KLHL13: variants seen among roughly 807,000 people sequenced by gnomAD.
KLHL13 encodes the protein kelch-like protein 13.
A neutral mutation model predicts 37.1 loss-of-function variants in KLHL13; 10 were observed. That is an observed-to-expected ratio of 0.27 (90% confidence interval 0.17 to 0.46). The LOEUF is 0.46. Ranked by LOEUF, KLHL13 falls within the 20% of genes least tolerant of loss-of-function variation. The pLI, the probability that KLHL13 is intolerant of heterozygous loss-of-function variation, is 1.00. For missense variants in KLHL13, 360 were observed against 509.3 expected (o/e 0.71, Z 2.82); for synonymous variants, 163 against 181.2 (o/e 0.90, Z 0.81).
chrX:118,110,629 G>A (rs899887345), intron 1 of KLHL13, among the ~76,000 whole-genome samples: 8 of 110,416 alleles, frequency 7.2e-5, no homozygotes, highest in Non-Finnish European at 1.1e-4. Context: ...CGCCCGCCTC[G>A]GCCTCCTTAA....
intron 1 of KLHL13, among the ~76,000 whole-genome samples, chrX:118,068,655 G>A (rs1275452632): frequency 9.0e-6 from 1 of 111,208 alleles, no homozygotes; most frequent in South Asian, 3.9e-4. Context: ...CCACAAAGCT[G>A]TGCTCCCCCC....
At chrX:118,106,261 C>T (rs1417925078) in intron 1 of KLHL13, among the ~76,000 whole-genome samples, 2 of 110,327 alleles carry the variant, frequency 1.8e-5, no homozygotes, top group Non-Finnish European at 3.8e-5. Context: ...CTCTTAGCTC[C>T]ACCTCACAGG....
intron 1 of KLHL13, among the ~76,000 whole-genome samples, chrX:118,026,834 C>T (rs1336441434): frequency 1.8e-5 from 2 of 111,711 alleles, no homozygotes; most frequent in Non-Finnish European, 3.8e-5. Context: ...TGATGGCTAC[C>T]AAAACAATTA....
At chrX:118,033,646 G>C (rs1286340823) in intron 1 of KLHL13, among the ~76,000 whole-genome samples, 3 of 109,194 alleles carry the variant, frequency 2.7e-5, no homozygotes, top group Non-Finnish European at 1.9e-5. Flanking sequence ...ATGCCAAAAT[G>C]TAAAGACCAT....
chrX:117,926,341 G>T (rs892844058), intron 2 of KLHL13, among the ~76,000 whole-genome samples: 2 of 111,038 alleles, frequency 1.8e-5, no homozygotes, highest in African/African-American at 6.6e-5. Context: ...GGACATCAAG[G>T]CAGATAGGAC....
intron 2 of KLHL13, among the ~76,000 whole-genome samples, chrX:117,924,649 G>C (rs988365124): frequency 6.3e-5 from 7 of 111,117 alleles, no homozygotes; most frequent in Non-Finnish European, 1.3e-4. Context: ...AACTGCTTCT[G>C]TTGATTTAAA....
chrX:118,035,760 A>G (rs1003059774), intron 1 of KLHL13, among the ~76,000 whole-genome samples: 3 of 108,845 alleles, frequency 2.8e-5, no homozygotes, highest in African/African-American at 1.1e-4. Flanking sequence ...AGGCAGGAGA[A>G]GGAAATAAAT....
chrX:118,108,853 C>A (rs2055374854), intron 1 of KLHL13, among the ~76,000 whole-genome samples: 1 of 111,369 alleles, frequency 9.0e-6, no homozygotes, highest in Non-Finnish European at 1.9e-5. Context: ...GTCACCCAGA[C>A]TGAAGAGCAG....
At position 117,985,974 on chromosome X, in the gene KLHL13, G is replaced by T. The variant is rs1390857833; in HGVS notation, c.-55-40399C>A. On this transcript the variant is annotated intron_variant, in intron 1 of 6. Transcript: ENST00000371882. ...GCTTTTTAAAAATAAAACTACACAT[G>T]ATGTAAAGTAAATGATCAATGAATA... Among the ~76,000 whole-genome samples, 3 of 110,812 alleles carry T rather than the reference G, an allele frequency of 2.7e-5. 1 individual carries two copies. Among genetic ancestry groups the T allele is most frequent in the African/African-American group, 9.8e-5 (3 of 30,521 alleles).
upstream of KLHL13, chrX:118,117,252 T>A (rs1402244015): frequency 8.9e-6 from 1 of 112,247 alleles, no homozygotes; most frequent in African/African-American, 3.2e-5. Context: ...GCAAAGGGTG[T>A]GCCCTGGAAG....
intron 1 of KLHL13, among the ~76,000 whole-genome samples, chrX:117,965,436 T>G (rs1297507477): frequency 9.0e-6 from 1 of 111,593 alleles, no homozygotes; most frequent in Non-Finnish European, 1.9e-5. Context: ...GATGGGGTTG[T>G]TTTTTTGTTG....
At chrX:118,011,495 TAGA>T (rs2054068410) in intron 1 of KLHL13, among the ~76,000 whole-genome samples, 1 of 108,011 alleles carries the variant, frequency 9.3e-6, no homozygotes, top group Non-Finnish European at 1.9e-5. Context: ...AAAAACAGAT[TAGA>T]AGGATATTTT....
chrX:117,994,095 TA>T (rs2053826694), intron 1 of KLHL13, among the ~76,000 whole-genome samples: 1 of 112,101 alleles, frequency 8.9e-6, no homozygotes, highest in Non-Finnish European at 1.9e-5. Context: ...AATTTTGCTC[TA>T]AAATGGTTTC....
At chrX:118,087,191 C>A (rs2148140740) in intron 1 of KLHL13, among the ~76,000 whole-genome samples, 1 of 110,727 alleles carries the variant, frequency 9.0e-6, no homozygotes, top group Admixed American at 9.7e-5. Context: ...GCCACTTACA[C>A]AATGCTTAAT....
At chrX:117,926,482 A>T (rs1194117691) in intron 2 of KLHL13, among the ~76,000 whole-genome samples, 13 of 111,315 alleles carry the variant, frequency 1.2e-4, no homozygotes, top group Admixed American at 9.5e-4. Context: ...GAGCACAAGG[A>T]ATACTCTCCA....
chrX:118,032,682 A>G (rs757645898), intron 1 of KLHL13, among the ~76,000 whole-genome samples: 16 of 112,063 alleles, frequency 1.4e-4, no homozygotes, highest in South Asian at 7.5e-4. Context: ...AAAGCAGAGC[A>G]CCTCTCCTCC....
intron 1 of KLHL13, among the ~76,000 whole-genome samples, chrX:118,069,144 CACA>C (rs2054827831): frequency 1.9e-5 from 2 of 108,023 alleles, no homozygotes; most frequent in South Asian, 8.0e-4. Flanking sequence ...CACACACACA[CACA>C]CCCTCACCTG....
chrX:117,976,727 A>G (rs1247390955), upstream of KLHL13, among the ~76,000 whole-genome samples: 1 of 112,015 alleles, frequency 8.9e-6, no homozygotes, highest in Non-Finnish European at 1.9e-5. Context: ...AGAGAAAGAC[A>G]ACATACATAA....
intron 1 of KLHL13, among the ~76,000 whole-genome samples, chrX:118,089,611 AG>A (rs1262647220): frequency 6.3e-5 from 4 of 63,856 alleles, no homozygotes; most frequent in African/African-American, 2.7e-4. Flanking sequence ...AGAGAGAGAG[AG>A]AAAGAAAGAG....
Sources: allele counts gnomAD v4.1 joint callset (sites outside exome capture counted in the v4.1 genomes callset), GRCh38; gene constraint gnomAD v4.1.1; transcripts MANE v1.5; gene names NCBI Gene and HGNC (gene_info 2026-07-23, HGNC 2026-07-21).